The following ZNF708 variants were observed in gnomAD, a reference collection of about 807,000 sequenced individuals.
The protein encoded by ZNF708 is ZNF15, ZNF15L1.
ZNF708 carries 44 observed loss-of-function variants against 47.0 expected under a neutral mutation model. The ratio of observed to expected loss-of-function variants is 0.94; its 90% CI spans 0.74 to 1.20. The LOEUF (loss-of-function observed/expected upper bound fraction) is 1.20. ZNF708 is among the 50% of genes most tolerant of loss of function. The probability of loss-of-function intolerance (pLI) is 0.00; values close to 1 mark genes in which losing one functional copy is unlikely to be tolerated. For missense variants in ZNF708, 557 were observed against 656.0 expected (o/e 0.85, Z 1.65); for synonymous variants, 184 against 218.5 (o/e 0.84, Z 1.39).
intron 1 of ZNF708, among the ~76,000 whole-genome samples, chr19:21,328,932 C>A (rs1166926204): frequency 6.6e-6 from 1 of 152,200 alleles, no homozygotes; most frequent in South Asian, 2.1e-4. Context: ...CCTGCACAAT[C>A]TGGGAGAGGC....
chr19:21,304,369 G>A (rs1344087776), intron 3 of ZNF708, among the ~76,000 whole-genome samples: 1 of 151,426 alleles, frequency 6.6e-6, no homozygotes, highest in Non-Finnish European at 1.5e-5. Context: ...GCTCCCCCAT[G>A]ACCCAAACAC....
At chr19:21,316,133 C>CTTTTTTTTTTTTTTTTTTT (rs544312163) in intron 1 of ZNF708, among the ~76,000 whole-genome samples, 7 of 105,482 alleles carry the variant, frequency 6.6e-5, no homozygotes, top group Non-Finnish European at 1.1e-4. Flanking sequence ...TTTCTTTTTT[C>CTTTTTTTTTTTTTTTTTTT]TTTTTTTTTT....
At chr19:21,316,606 T>C (rs1330418436) in intron 1 of ZNF708, among the ~76,000 whole-genome samples, 1 of 152,176 alleles carries the variant, frequency 6.6e-6, no homozygotes. Context: ...ACACATGTTA[T>C]TCTGCTAGGG....
Position 21,311,768 on chromosome 19 carries a change from ATATAAGT to A in ZNF708, c.4-1148_4-1142del, listed in dbSNP as rs1019793116. ...AACACGCTGCACCATGGAAATAAAG[ATATAAGT>A]TTCATTTTTCCTGTCCTCAGGTGCC... On this transcript the variant is annotated intron_variant, in intron 1 of 3. Transcript: ENST00000356929. Among the ~76,000 whole-genome samples the A allele has an allele frequency of 3.3e-5, 5 of 152,082 alleles. No homozygotes were observed. In the East Asian group the frequency reaches 7.7e-4, roughly 23 times the overall value.
intron 1 of ZNF708, among the ~76,000 whole-genome samples, chr19:21,312,325 C>T (rs376984964): frequency 6.6e-5 from 10 of 151,404 alleles, no homozygotes; most frequent in South Asian, 2.1e-4. Flanking sequence ...TAGTCAGGCA[C>T]GGTAGCATGC....
intron 3 of ZNF708, among the ~76,000 whole-genome samples, chr19:21,296,417 G>A (rs868601802): frequency 3.9e-5 from 6 of 152,004 alleles, no homozygotes; most frequent in South Asian, 4.1e-4. Context: ...CAGGAGAATC[G>A]GTTGGACCTG....
chr19:21,306,367 TAAAAC>T (rs897558465), intron 3 of ZNF708, among the ~76,000 whole-genome samples: 3 of 152,120 alleles, frequency 2.0e-5, no homozygotes, highest in African/African-American at 7.2e-5. Context: ...AAACAACTCT[TAAAAC>T]TGAACAATAA....
intron 3 of ZNF708, among the ~76,000 whole-genome samples, chr19:21,297,347 C>T (rs554651167): frequency 2.9e-5 from 4 of 136,496 alleles, no homozygotes; most frequent in African/African-American, 1.1e-4. Context: ...TCTCAGCTCA[C>T]TGCAACCTAC....
At chr19:21,324,055 T>C (rs1222702937) in intron 1 of ZNF708, among the ~76,000 whole-genome samples, 4 of 146,112 alleles carry the variant, frequency 2.7e-5, no homozygotes, top group South Asian at 4.4e-4. Context: ...CTGGCTAACA[T>C]GGTGAAACGT....
intron 1 of ZNF708, among the ~76,000 whole-genome samples, chr19:21,327,346 A>G (rs1046474680): frequency 5.3e-5 from 8 of 152,110 alleles, no homozygotes; most frequent in Non-Finnish European, 8.8e-5. Flanking sequence ...CCTGACCAAC[A>G]TGGAGAAACC....
At chr19:21,305,220 GGGAT>G (rs1279747591) in intron 3 of ZNF708, among the ~76,000 whole-genome samples, 1 of 151,178 alleles carries the variant, frequency 6.6e-6, no homozygotes, top group African/African-American at 2.4e-5. Context: ...CAGGTTGGCC[GGGAT>G]GGTCTCGATC....
chr19:21,313,662 G>A (rs1159267131), intron 1 of ZNF708, among the ~76,000 whole-genome samples: 1 of 151,716 alleles, frequency 6.6e-6, no homozygotes, highest in Non-Finnish European at 1.5e-5. Flanking sequence ...GGAGGTTGAG[G>A]CAGGAGAATT....
At chr19:21,308,646 A>T (rs981701987) in intron 3 of ZNF708, among the ~76,000 whole-genome samples, 13 of 152,102 alleles carry the variant, frequency 8.5e-5, no homozygotes, top group African/African-American at 2.9e-4. Flanking sequence ...CCTAGGCTTA[A>T]GGGATCCTTC....
At chr19:21,296,321 T>C (rs1439827744) in intron 3 of ZNF708, among the ~76,000 whole-genome samples, 1 of 151,986 alleles carries the variant, frequency 6.6e-6, no homozygotes, top group Non-Finnish European at 1.5e-5. Flanking sequence ...GCTAACATGG[T>C]GAAACCCCGT....
chr19:21,299,212 GGCATGGTGGCGGGTGCCT>G (rs1972604635), intron 3 of ZNF708, among the ~76,000 whole-genome samples: 1 of 151,300 alleles, frequency 6.6e-6, no homozygotes. Context: ...AAATTAGCCA[GGCATGGTGGCGGGTGCCT>G]GTAATCCCAG....
intron 3 of ZNF708, among the ~76,000 whole-genome samples, chr19:21,307,548 G>A (rs984996371): frequency 2.0e-5 from 3 of 152,096 alleles, no homozygotes; most frequent in African/African-American, 7.2e-5. Flanking sequence ...CTTGAACCCG[G>A]GAGGCGGAGG....
At chr19:21,321,230 A>T (rs61445561) in intron 1 of ZNF708, among the ~76,000 whole-genome samples, 2 of 150,272 alleles carry the variant, frequency 1.3e-5, no homozygotes, top group East Asian at 3.9e-4. Context: ...GTTAAATAAT[A>T]AGAACACATG....
chr19:21,329,337 T>G lies in ZNF708; in HGVS notation c.-125A>C, dbSNP rs556613713. 1 of 1,461,488 alleles carries G rather than the reference T, an allele frequency of 6.8e-7. No homozygotes were observed. Among genetic ancestry groups the G allele is most frequent in the African/African-American group, 1.4e-5 (1 of 71,162 alleles). The allele number at this position is 1,461,488 out of a possible 1,614,324, so 90.5% of individuals were successfully genotyped here. On this transcript the variant is annotated 5_prime_UTR_variant, in exon 1 of 4. Coordinates refer to ENST00000356929, the MANE Select transcript of ZNF708 (RefSeq NM_021269.3). ...ACAGCAGTGAAGACGAGACCGGAGC[T>G]CCGGCTGCAGCAAGAGACAAAGGCC...
intron 1 of ZNF708, among the ~76,000 whole-genome samples, chr19:21,324,064 G>A (rs910588914): frequency 2.1e-5 from 3 of 140,660 alleles, no homozygotes; most frequent in African/African-American, 5.5e-5. Context: ...ATGGTGAAAC[G>A]TTGTCTCTAC....
Sources: gnomAD v4.1 joint callset for allele counts (sites outside exome capture counted in the v4.1 genomes callset) on GRCh38, gnomAD v4.1.1 for gene constraint, MANE v1.5 for transcripts, NCBI Gene and HGNC (gene_info 2026-07-23, HGNC 2026-07-21) for gene names.